FAM83B: variants seen among roughly 807,000 people sequenced by gnomAD.
The protein encoded by FAM83B is scaffolding CK1 anchoring protein B, also known as protein FAM83B.
FAM83B carries 26 observed loss-of-function variants against 38.8 expected under a neutral mutation model. That is an observed-to-expected ratio of 0.67 (90% CI 0.49 to 0.93). The LOEUF is 0.93. Ranked by LOEUF, FAM83B falls within the 40% of genes least tolerant of loss-of-function variation. The probability of loss-of-function intolerance (pLI) is 0.00; values close to 1 mark genes in which losing one functional copy is unlikely to be tolerated. For synonymous variants in FAM83B, 419 were observed against 423.1 expected (o/e 0.99, Z 0.12); for missense variants, 1,237 against 1,197.3 (o/e 1.03, Z -0.49).
At chr6:54,871,745 C>CAA (rs34323872) in intron 2 of FAM83B, among the ~76,000 whole-genome samples, 2,746 of 28,976 alleles carry the variant, frequency 0.095, 704 homozygotes, top group Middle Eastern at 0.25. Flanking sequence ...CCTGTCTCAC[C>CAA]AAAAAAAAAA....
At chr6:54,905,358 C>A (rs1464598855) in intron 2 of FAM83B, among the ~76,000 whole-genome samples, 1 of 152,076 alleles carries the variant, frequency 6.6e-6, no homozygotes, top group Non-Finnish European at 1.5e-5. Context: ...AATTATGAAC[C>A]TGAAACTTAA....
intron 2 of FAM83B, among the ~76,000 whole-genome samples, chr6:54,913,904 A>T (rs927280279): frequency 6.7e-5 from 10 of 149,006 alleles, no homozygotes; most frequent in Middle Eastern, 3.4e-3. Flanking sequence ...TTTTTTTTTT[A>T]AAAAAAAGCT....
At chr6:54,924,186 T>TACACACAC (rs1381876901) in intron 2 of FAM83B, among the ~76,000 whole-genome samples, 1 of 94,554 alleles carries the variant, frequency 1.1e-5, no homozygotes, top group African/African-American at 4.9e-5. Flanking sequence ...AGTATTCATT[T>TACACACAC]ATACACACAC....
At chr6:54,858,669 T>G (rs1461742249) in intron 1 of FAM83B, among the ~76,000 whole-genome samples, 1 of 152,342 alleles carries the variant, frequency 6.6e-6, no homozygotes, top group South Asian at 2.1e-4. Flanking sequence ...TGTATCACTA[T>G]TTGTGTTGAA....
At chr6:54,863,943 T>A (rs1220671413) in intron 1 of FAM83B, among the ~76,000 whole-genome samples, 2 of 152,210 alleles carry the variant, frequency 1.3e-5, no homozygotes, top group African/African-American at 4.8e-5. Flanking sequence ...TTTATCAGGA[T>A]AGCCTTGTAG....
In FAM83B at chr6:54,942,032, G is replaced by T; in HGVS notation, c.*25G>T. On this transcript the variant is annotated 3_prime_UTR_variant, in exon 5 of 5. Transcript: ENST00000306858. ...GCTATTAAAATGCAAAATGAATGAG[G>T]CTATCAATATTTGTCCAAAGAAAAT... 3 of 1,536,786 alleles carry T rather than the reference G, an allele frequency of 2.0e-6. No homozygotes were observed. The highest frequency in any genetic ancestry group is 2.0e-5 in the Admixed American group (1 of 50,716).
Position 54,926,800 on chromosome 6 carries a change from T to C in FAM83B, c.609+265T>C, listed in dbSNP as rs1272665712. On this transcript the variant is annotated intron_variant, in intron 3 of 4. Transcript: ENST00000306858. ...CAGAGTGGAGTGCACTGGTGCATTC[T>C]CAGCTCACTGCTACCTCCGCCTCCC... Among the ~76,000 whole-genome samples, 3 of 152,164 alleles carry C rather than the reference T, an allele frequency of 2.0e-5. No homozygotes were observed. In the East Asian group the frequency reaches 5.8e-4, roughly 29 times the overall value.
At chr6:54,936,427 T>C (rs1363125091) in intron 4 of FAM83B, among the ~76,000 whole-genome samples, 1 of 152,090 alleles carries the variant, frequency 6.6e-6, no homozygotes, top group Admixed American at 6.6e-5. Context: ...TCTACTTTGG[T>C]TGGGCTCTTA....
chr6:54,882,654 C>G (rs1772159656), intron 2 of FAM83B, among the ~76,000 whole-genome samples: 1 of 152,170 alleles, frequency 6.6e-6, no homozygotes, highest in African/African-American at 2.4e-5. Flanking sequence ...TGGACTCCAA[C>G]TCATAAGCAT....
intron 4 of FAM83B, among the ~76,000 whole-genome samples, chr6:54,936,692 C>T (rs774442649): frequency 1.3e-4 from 20 of 150,986 alleles, no homozygotes; most frequent in Admixed American, 2.0e-4. Flanking sequence ...TTCCATATTT[C>T]TCCCTCCACA....
At chr6:54,931,177 T>C (rs978066871) in intron 4 of FAM83B, among the ~76,000 whole-genome samples, 2 of 152,206 alleles carry the variant, frequency 1.3e-5, no homozygotes, top group South Asian at 2.1e-4. Context: ...GTGATTTAAA[T>C]CTTCTTTAAT....
chr6:54,913,630 A>T (rs555365073), intron 2 of FAM83B, among the ~76,000 whole-genome samples: 1 of 152,164 alleles, frequency 6.6e-6, no homozygotes, highest in African/African-American at 2.4e-5. Flanking sequence ...AATGTTATAT[A>T]CGAGTTAAAG....
intron 2 of FAM83B, among the ~76,000 whole-genome samples, chr6:54,875,077 G>A (rs1002666737): frequency 6.6e-6 from 1 of 152,048 alleles, no homozygotes; most frequent in Non-Finnish European, 1.5e-5. Flanking sequence ...TAACTAGCGT[G>A]GCATTAAACA....
intron 2 of FAM83B, among the ~76,000 whole-genome samples, chr6:54,900,411 A>G (rs1287029702): frequency 1.3e-5 from 2 of 152,186 alleles, no homozygotes; most frequent in Non-Finnish European, 2.9e-5. Flanking sequence ...GGAGTGTACT[A>G]TTCTTGAAGA....
intron 2 of FAM83B, among the ~76,000 whole-genome samples, chr6:54,871,333 A>G (rs1771846992): frequency 6.6e-6 from 1 of 151,918 alleles, no homozygotes; most frequent in African/African-American, 2.4e-5. Flanking sequence ...TCAAGCAACA[A>G]AAGTTATTAA....
chr6:54,921,096 G>A (rs1411612303), intron 2 of FAM83B, among the ~76,000 whole-genome samples: 2 of 151,704 alleles, frequency 1.3e-5, no homozygotes, highest in African/African-American at 4.8e-5. Flanking sequence ...TGCAGTACTA[G>A]CCTTTCACCT....
chr6:54,903,138 A>T (rs1772699907), intron 2 of FAM83B, among the ~76,000 whole-genome samples: 1 of 152,128 alleles, frequency 6.6e-6, no homozygotes, highest in African/African-American at 2.4e-5. Context: ...GCATTCTTTG[A>T]ACTTGACTTA....
intron 2 of FAM83B, among the ~76,000 whole-genome samples, chr6:54,873,383 A>T (rs780781102): frequency 4.6e-5 from 7 of 152,216 alleles, no homozygotes; most frequent in Non-Finnish European, 1.0e-4. Context: ...TTAGCTTATA[A>T]CTGGACATGG....
intron 1 of FAM83B, among the ~76,000 whole-genome samples, chr6:54,863,434 G>T (rs1561906146): frequency 6.6e-6 from 1 of 152,014 alleles, no homozygotes; most frequent in Non-Finnish European, 1.5e-5. Context: ...CCTTTTTCCT[G>T]GTGAGCACCA....
Sources: allele counts gnomAD v4.1 joint callset (sites outside exome capture counted in the v4.1 genomes callset), GRCh38; gene constraint gnomAD v4.1.1; transcripts MANE v1.5; gene names NCBI Gene and HGNC (gene_info 2026-07-23, HGNC 2026-07-21).